The following RALGPS1 variants were observed in gnomAD, a reference collection of about 807,000 sequenced individuals.
RALGPS1 encodes ras-specific guanine nucleotide-releasing factor RalGPS1.
In RALGPS1, 19 loss-of-function variants were observed where a neutral mutation model predicts 78.8. The ratio of observed to expected loss-of-function variants is 0.24; its 90% confidence interval spans 0.17 to 0.35. RALGPS1 has a LOEUF of 0.35. Among genes scored for constraint, RALGPS1 ranks in the 10% least tolerant of loss-of-function variants. The pLI, the probability that RALGPS1 is intolerant of heterozygous loss-of-function variation, is 1.00. For missense variants in RALGPS1, 454 were observed against 688.3 expected (o/e 0.66, Z 3.81); for synonymous variants, 228 against 256.3 (o/e 0.89, Z 1.06).
intron 3 of RALGPS1, among the ~76,000 whole-genome samples, chr9:126,975,932 C>T (rs1384837567): frequency 6.6e-6 from 1 of 152,186 alleles, no homozygotes; most frequent in African/African-American, 2.4e-5. Context: ...CCATGAAGAA[C>T]ACTAGCTCCG....
At chr9:126,924,482 A>G (rs1564258483) in intron 1 of RALGPS1, among the ~76,000 whole-genome samples, 1 of 152,242 alleles carries the variant, frequency 6.6e-6, no homozygotes, top group Non-Finnish European at 1.5e-5. Flanking sequence ...GCAGCCTGGT[A>G]TATAGAAAGA....
chr9:127,061,305 G>A (rs554746667), intron 7 of RALGPS1, among the ~76,000 whole-genome samples: 103 of 152,324 alleles, frequency 6.8e-4, no homozygotes, highest in African/African-American at 2.4e-3. Flanking sequence ...GCTAGAGTTG[G>A]CCTGAGGAAT....
intron 8 of RALGPS1, among the ~76,000 whole-genome samples, chr9:127,159,769 T>C (rs1334550067): frequency 6.6e-6 from 1 of 152,222 alleles, no homozygotes; most frequent in African/African-American, 2.4e-5. Flanking sequence ...GCTGCTTTGT[T>C]ATTTCATTTG....
At chr9:126,930,293 C>T (rs1401209526) in intron 1 of RALGPS1, among the ~76,000 whole-genome samples, 1 of 151,210 alleles carries the variant, frequency 6.6e-6, no homozygotes, top group Non-Finnish European at 1.5e-5. Context: ...GTTCCTGGCT[C>T]TTTCTAAAGA....
chr9:127,204,177 T>G (rs2061804704), intron 14 of RALGPS1, among the ~76,000 whole-genome samples: 1 of 152,068 alleles, frequency 6.6e-6, no homozygotes, highest in Admixed American at 6.5e-5. Flanking sequence ...GGACTTTTTT[T>G]TTTGTTTTAG....
intron 8 of RALGPS1, chr9:127,123,033 C>CGCGTG (rs998841529): frequency 8.5e-5 from 13 of 152,448 alleles, no homozygotes; most frequent in African/African-American, 2.9e-4. Flanking sequence ...TGCGTGCAGC[C>CGCGTG]GCGTGCGAGC....
At chr9:127,053,372 A>G (rs950078658) in intron 7 of RALGPS1, among the ~76,000 whole-genome samples, 1 of 152,210 alleles carries the variant, frequency 6.6e-6, no homozygotes, top group Non-Finnish European at 1.5e-5. Context: ...CCGTGTAGGA[A>G]AAAACGGATT....
chr9:126,938,933 G>A (rs1445131187), intron 1 of RALGPS1, among the ~76,000 whole-genome samples: 1 of 152,208 alleles, frequency 6.6e-6, no homozygotes, highest in Non-Finnish European at 1.5e-5. Flanking sequence ...ACTAGCCCCC[G>A]TTTTTGCTGG....
At chr9:127,160,513 G>A (rs193087602) in intron 8 of RALGPS1, among the ~76,000 whole-genome samples, 29 of 152,354 alleles carry the variant, frequency 1.9e-4, no homozygotes, top group Non-Finnish European at 3.8e-4. Context: ...GTGGGGCATG[G>A]AAGGAGGGAG....
intron 8 of RALGPS1, among the ~76,000 whole-genome samples, chr9:127,139,489 G>A (rs1057362296): frequency 6.6e-6 from 1 of 152,280 alleles, no homozygotes; most frequent in African/African-American, 2.4e-5. Flanking sequence ...GTCAGGAGAT[G>A]GTGCCCAATG....
intron 7 of RALGPS1, among the ~76,000 whole-genome samples, chr9:127,053,489 T>A (rs1205958885): frequency 6.6e-6 from 1 of 152,198 alleles, no homozygotes. Flanking sequence ...TAAAAATATC[T>A]CAGACCTCTT....
At chr9:127,072,475 G>A (rs936814774) in intron 8 of RALGPS1, among the ~76,000 whole-genome samples, 1 of 152,014 alleles carries the variant, frequency 6.6e-6, no homozygotes, top group Non-Finnish European at 1.5e-5. Flanking sequence ...TTGGCCTCCC[G>A]ATATCCATTT....
At chr9:127,027,501 A>G (rs1476275223) in intron 4 of RALGPS1, among the ~76,000 whole-genome samples, 1 of 152,198 alleles carries the variant, frequency 6.6e-6, no homozygotes, top group Non-Finnish European at 1.5e-5. Flanking sequence ...GATTGTGTTT[A>G]CAGTGAAATA....
intron 10 of RALGPS1, among the ~76,000 whole-genome samples, chr9:127,170,568 G>C (rs971848613): frequency 6.6e-6 from 1 of 152,178 alleles, no homozygotes; most frequent in East Asian, 1.9e-4. Context: ...TTCCTGAAAA[G>C]AGTGCCCTGG....
At position 127,034,444 on chromosome 9, in the gene RALGPS1, G is replaced by A. The variant is rs777380945; in HGVS notation, c.230G>A (p.Cys77Tyr). The A allele has an allele frequency of 6.2e-7, 1 of 1,614,120 alleles. No individual in the cohort carries two copies. The highest frequency in any genetic ancestry group is 8.5e-7 in the Non-Finnish European group (1 of 1,179,980). Residue 77 changes from cysteine (C) to tyrosine (Y), a missense_variant, in exon 5 of 19, where the codon TGT (cysteine) becomes TAT (tyrosine). By Grantham distance (194) the Cys-to-Tyr change is radical (BLOSUM62 -2). Transcript: ENST00000259351. ...KAIQPEELAS[C>Y]GWSKKEKHSL... ...TGTGCTTCCTAGGAACTAGCCAGCT[G>A]TGGATGGAGTAAGAAGGAGAAACAC...
At chr9:127,044,343 G>A (rs933681652) in intron 5 of RALGPS1, among the ~76,000 whole-genome samples, 4 of 151,686 alleles carry the variant, frequency 2.6e-5, no homozygotes, top group East Asian at 3.9e-4. Context: ...TGCATCCTCC[G>A]CCTCCTGGGT....
intron 1 of RALGPS1, among the ~76,000 whole-genome samples, chr9:126,936,133 G>C (rs1187266772): frequency 6.6e-6 from 1 of 152,220 alleles, no homozygotes; most frequent in African/African-American, 2.4e-5. Context: ...CAGTCATCCC[G>C]AGCCTCAGGC....
intron 11 of RALGPS1, 45 bp downstream of exon 11, chr9:127,174,827 A>G (rs1272970804): frequency 6.4e-7 from 1 of 1,566,670 alleles, no homozygotes; most frequent in East Asian, 2.2e-5. Flanking sequence ...TTAATAGCCT[A>G]ATTGTGGCTG....
At chr9:127,120,605 C>G (rs560114579) in intron 8 of RALGPS1, among the ~76,000 whole-genome samples, 1 of 152,320 alleles carries the variant, frequency 6.6e-6, no homozygotes, top group South Asian at 2.1e-4. Flanking sequence ...GGGCGGATCA[C>G]GAGGTCAGGA....
Sources: gnomAD v4.1 joint callset for allele counts (sites outside exome capture counted in the v4.1 genomes callset) on GRCh38, gnomAD v4.1.1 for gene constraint, MANE v1.5 for transcripts, NCBI Gene and HGNC (gene_info 2026-07-23, HGNC 2026-07-21) for gene names.